The following SCN1A variants were observed in gnomAD, a reference collection of about 807,000 sequenced individuals.
SCN1A encodes sodium voltage-gated channel alpha subunit 1.
SCN1A carries 13 observed loss-of-function variants against 193.7 expected under a neutral mutation model. The ratio of observed to expected loss-of-function variants is 0.07; its 90% CI spans 0.04 to 0.11. The LOEUF (loss-of-function observed/expected upper bound fraction) is 0.11. Ranked by LOEUF, SCN1A falls within the 10% of genes least tolerant of loss-of-function variation. The probability of loss-of-function intolerance (pLI) is 1.00; values close to 1 mark genes in which losing one functional copy is unlikely to be tolerated. For missense variants in SCN1A, 1,432 were observed against 2,451.1 expected, an observed-to-expected ratio of 0.58 and a Z score of 8.78; for synonymous variants, 781 against 843.6, an observed-to-expected ratio of 0.93 and a Z score of 1.29.
chr2:166,135,709 C>A (rs1691830257), intron 1 of SCN1A, among the ~76,000 whole-genome samples: 1 of 152,168 alleles, frequency 6.6e-6, no homozygotes, highest in African/African-American at 2.4e-5. Flanking sequence ...GGGACTGAGG[C>A]CCTTTAGAAG....
At chr2:166,068,001 C>T (rs185411718) in intron 4 of SCN1A, among the ~76,000 whole-genome samples, 2 of 152,178 alleles carry the variant, frequency 1.3e-5, no homozygotes, top group Admixed American at 6.5e-5. Context: ...CTTGTTTTAG[C>T]AGAAGATAGT....
chr2:166,111,439 GA>G lies in SCN1A; in HGVS notation c.-142+15484del, dbSNP rs113807871. Among the ~76,000 whole-genome samples, 475 of 142,272 alleles carry G rather than the reference GA, an allele frequency of 3.3e-3. 2 individuals carry two copies. The highest frequency in any genetic ancestry group is 8.9e-3 in the African/African-American group (348 of 39,032). 93.3% of individuals were successfully genotyped at this position (142,272 alleles called of 152,430 possible). A position where few individuals can be genotyped will look rare whatever the true frequency, so the allele number is the denominator to read the frequency against. On this transcript the variant is annotated intron_variant, in intron 2 of 28. Transcript: ENST00000674923. ...GCCTGCTATTGAGACCTACTGCTCA[GA>G]AAAAAAAAAAAGATTCCATTCAAAA...
intron 9 of SCN1A, among the ~76,000 whole-genome samples, chr2:166,050,230 C>G (rs897547829): frequency 8.6e-5 from 13 of 151,636 alleles, no homozygotes; most frequent in African/African-American, 2.7e-4. Context: ...TAATGATCAG[C>G]CTTAACCTGA....
rs769635347 is a variant in SCN1A at position 166,015,656 on chromosome 2, G to A, written c.3501C>T (p.Pro1167=). 9.9e-6 allele frequency: 16 copies of A among 1,612,678 alleles called. No individual in the cohort carries two copies. The highest frequency in any genetic ancestry group is 1.4e-5 in the Non-Finnish European group (16 of 1,179,022). Residue 1167 remains proline, a synonymous_variant, in exon 20 of 29, where the codon CCC becomes CCT. Transcript: ENST00000674923. ...VDIGAPVEEQ[P]VVEPEETLEP... ...CAAGAGTTTCTTCAGGTTCCACTACGGGCTGTTCTTCTACAGGTGCGCCGA... is the reference window on the plus strand; with the variant it reads ...CAAGAGTTTCTTCAGGTTCCACTACAGGCTGTTCTTCTACAGGTGCGCCGA...
intron 19 of SCN1A, 105 bp from the exon 20 acceptor site, chr2:166,015,832 G>T (rs1418961907): frequency 3.1e-6 from 4 of 1,277,990 alleles, no homozygotes; most frequent in East Asian, 4.7e-5. Context: ...TCTTCTTGAG[G>T]TAGAGATATT....
chr2:166,096,279 A>G (rs1687364788), intron 2 of SCN1A, among the ~76,000 whole-genome samples: 1 of 151,966 alleles, frequency 6.6e-6, no homozygotes, highest in Admixed American at 6.6e-5. Flanking sequence ...GGGATGAAAA[A>G]TCACTTTTTT....
At position 165,988,088 on chromosome 2, in the gene SCN1A, G is replaced by A. The variant is rs370486341; in HGVS notation, c.*3157C>T. 1.3e-5 allele frequency: 2 copies of A among 152,070 alleles called. No homozygotes were observed. The highest frequency in any genetic ancestry group is 2.1e-4 in the South Asian group (1 of 4,816). 9.4% of individuals were successfully genotyped at this position (152,070 alleles called of 1,614,324 possible). ...CTGGCTTCACCTGATGACAAGGGAA[G>A]GCTTCTCGTTCCTCAGAAATTTAGA... On this transcript the variant is annotated 3_prime_UTR_variant, in exon 29 of 29. Transcript: ENST00000674923.
intron 1 of SCN1A, among the ~76,000 whole-genome samples, chr2:166,143,413 A>G (rs10930208): frequency 0.81 from 122,664 of 151,858 alleles, 50,142 homozygotes; most frequent in African/African-American, 0.94. Flanking sequence ...TGATCTGCCC[A>G]CCTCAGCCTC....
chr2:165,990,238 C>T lies in SCN1A; in HGVS notation c.*1007G>A, dbSNP rs766238323. ...TTAGGTCATTATTTGTTTGCTCAAA[C>T]GTGCACCACAGGGTAAAATGACTAT... is the stretch of plus-strand genomic sequence containing the variant. On this transcript the variant is annotated 3_prime_UTR_variant, in exon 29 of 29. Coordinates refer to ENST00000674923, the MANE Select transcript of SCN1A (RefSeq NM_001165963.4). The T allele has an allele frequency of 1.3e-5, 2 of 152,630 alleles. No individual in the cohort carries two copies. The highest frequency in any genetic ancestry group is 2.4e-5 in the African/African-American group (1 of 41,564). 9.5% of individuals were successfully genotyped at this position (152,630 alleles called of 1,614,324 possible).
chr2:166,137,298 G>T (rs930136968), intron 1 of SCN1A, among the ~76,000 whole-genome samples: 3 of 152,164 alleles, frequency 2.0e-5, no homozygotes, highest in East Asian at 3.9e-4. Flanking sequence ...TATGATAAAA[G>T]ATTCTATTTA....
chr2:166,060,997 ATAG>A (rs1279492571), intron 4 of SCN1A: 6 of 152,208 alleles, frequency 3.9e-5, no homozygotes, highest in Non-Finnish European at 8.8e-5. Flanking sequence ...TTTGAAACAA[ATAG>A]TAGTGATACA....
chr2:165,998,949 T>C (rs1258096484), intron 25 of SCN1A: 1 of 151,480 alleles, frequency 6.6e-6, no homozygotes, highest in Non-Finnish European at 1.5e-5. Context: ...CTCTATCAGG[T>C]TGAAGACTGC....
chr2:166,087,691 C>T (rs2106059325), intron 2 of SCN1A, among the ~76,000 whole-genome samples: 1 of 152,124 alleles, frequency 6.6e-6, no homozygotes, highest in South Asian at 2.1e-4. Flanking sequence ...CTCAGATATT[C>T]TTTTATAGCA....
chr2:166,070,629 T>C (rs569235730), intron 4 of SCN1A, among the ~76,000 whole-genome samples: 2 of 152,320 alleles, frequency 1.3e-5, no homozygotes, highest in East Asian at 3.9e-4. Flanking sequence ...ATTTTGAAAA[T>C]GTTTGCACAA....
intron 20 of SCN1A, among the ~76,000 whole-genome samples, chr2:166,015,051 C>A (rs1415752216): frequency 6.6e-6 from 1 of 151,682 alleles, no homozygotes; most frequent in Non-Finnish European, 1.5e-5. Context: ...CTCAAATTCC[C>A]AGGGATATCA....
chr2:166,045,973 G>A (rs1018340057), intron 12 of SCN1A, among the ~76,000 whole-genome samples: 1 of 152,080 alleles, frequency 6.6e-6, no homozygotes, highest in African/African-American at 2.4e-5. Flanking sequence ...GGGGCACATG[G>A]GCATGGAATA....
chr2:166,017,725 C>T (rs143437524), intron 19 of SCN1A, among the ~76,000 whole-genome samples: 329 of 152,050 alleles, frequency 2.2e-3, no homozygotes, highest in African/African-American at 7.6e-3. Context: ...TAACAATTTT[C>T]GCCAAAATTA....
intron 2 of SCN1A, among the ~76,000 whole-genome samples, chr2:166,082,889 T>G (rs1279725530): frequency 6.6e-6 from 1 of 152,078 alleles, no homozygotes; most frequent in East Asian, 1.9e-4. Context: ...CCAAAAAGAC[T>G]TCTGCCAAAA....
At chr2:166,052,239 C>T (rs1420121709) in intron 8 of SCN1A, among the ~76,000 whole-genome samples, 1 of 151,974 alleles carries the variant, frequency 6.6e-6, no homozygotes, top group Non-Finnish European at 1.5e-5. Context: ...TCATGTTCTT[C>T]ATGGAGCCTA....
Sources: allele counts gnomAD v4.1 joint callset (sites outside exome capture counted in the v4.1 genomes callset), GRCh38; gene constraint gnomAD v4.1.1; transcripts MANE v1.5; gene names NCBI Gene and HGNC (gene_info 2026-07-23, HGNC 2026-07-21).